The following LRRC37A2 variants were observed in gnomAD, a reference collection of about 807,000 sequenced individuals.
LRRC37A2 encodes the protein leucine rich repeat containing 37 member A2.
LRRC37A2 carries 9 observed loss-of-function variants against 68.8 expected under a neutral mutation model. The ratio of observed to expected loss-of-function variants is 0.13; its 90% confidence interval spans 0.08 to 0.23. LRRC37A2 has a LOEUF of 0.23. Among genes scored for constraint, LRRC37A2 ranks in the 10% least tolerant of loss-of-function variants. The pLI is 1.00. For synonymous variants in LRRC37A2, 63 were observed against 367.6 expected, an observed-to-expected ratio of 0.17 and a Z score of 9.48; for missense variants, 168 against 950.4, an observed-to-expected ratio of 0.18 and a Z score of 10.82.
At chr17:46,531,902 A>G (rs1393953162) in intron 6 of LRRC37A2, among the ~76,000 whole-genome samples, 2 of 130,908 alleles carry the variant, frequency 1.5e-5, no homozygotes, top group Non-Finnish European at 3.1e-5. Flanking sequence ...CATGAAATTT[A>G]CTCCCATGTT....
the LRRC37A2 span, chr17:46,931,700 G>A: frequency 2.6e-3 from 835 of 324,198 alleles, 3 homozygotes; most frequent in Non-Finnish European, 3.3e-3. Flanking sequence ...GAAACTTTGT[G>A]GATGCTTTAC....
chr17:46,806,214 T>TCC, the LRRC37A2 span, among the ~76,000 whole-genome samples: 2 of 144,888 alleles, frequency 1.4e-5, no homozygotes, highest in African/African-American at 5.1e-5. Flanking sequence ...TTCCTTTTTT[T>TCC]TTTTTTTTTT....
chr17:46,759,257 G>A, the LRRC37A2 span, among the ~76,000 whole-genome samples: 1 of 152,222 alleles, frequency 6.6e-6, no homozygotes, highest in Non-Finnish European at 1.5e-5. Flanking sequence ...CAAGAAAGCA[G>A]GTAAGTTGCA....
At chr17:46,773,803 T>C in the LRRC37A2 span, 1 of 1,613,546 alleles carries the variant, frequency 6.2e-7, no homozygotes, top group South Asian at 1.1e-5. Flanking sequence ...ATGATCTCGA[T>C]GTAATTGCGG....
chr17:47,000,491 TC>T, the LRRC37A2 span, among the ~76,000 whole-genome samples: 1 of 152,138 alleles, frequency 6.6e-6, no homozygotes, highest in South Asian at 2.1e-4. Flanking sequence ...CACCTTGGCC[TC>T]CCAAAGTGCT....
the LRRC37A2 span, among the ~76,000 whole-genome samples, chr17:46,953,210 A>C: frequency 2.1e-5 from 3 of 146,172 alleles, no homozygotes; most frequent in African/African-American, 5.1e-5. Flanking sequence ...CCCCCACCCC[A>C]CAACAGTCTC....
At chr17:46,854,415 C>T in the LRRC37A2 span, among the ~76,000 whole-genome samples, 1 of 148,402 alleles carries the variant, frequency 6.7e-6, no homozygotes, top group South Asian at 2.1e-4. Flanking sequence ...TGAGGCCGAT[C>T]TTCTTGGGCT....
the LRRC37A2 span, among the ~76,000 whole-genome samples, chr17:46,915,510 C>T: frequency 6.6e-6 from 1 of 152,202 alleles, no homozygotes; most frequent in Admixed American, 6.5e-5. Context: ...TAGACTCCAC[C>T]TCTCAATGGT....
chr17:46,873,826 C>T, the LRRC37A2 span, among the ~76,000 whole-genome samples: 3 of 151,962 alleles, frequency 2.0e-5, no homozygotes, highest in African/African-American at 7.3e-5. Context: ...CCCATCTCTA[C>T]TAAAAATACA....
chr17:46,934,133 G>A, the LRRC37A2 span, among the ~76,000 whole-genome samples: 1 of 152,210 alleles, frequency 6.6e-6, no homozygotes, highest in Non-Finnish European at 1.5e-5. Flanking sequence ...AACAGGGCAG[G>A]CCCTGCGCTC....
At chr17:46,848,126 G>T in the LRRC37A2 span, among the ~76,000 whole-genome samples, 1 of 152,106 alleles carries the variant, frequency 6.6e-6, no homozygotes, top group Non-Finnish European at 1.5e-5. Context: ...CTGTGTGAAC[G>T]TGTGGACCCA....
the LRRC37A2 span, among the ~76,000 whole-genome samples, chr17:46,874,531 C>T: frequency 6.6e-6 from 1 of 152,164 alleles, no homozygotes; most frequent in Non-Finnish European, 1.5e-5. Flanking sequence ...AATCTGGGAA[C>T]ATACTCCATA....
chr17:46,877,343 T>A, the LRRC37A2 span, among the ~76,000 whole-genome samples: 1 of 152,074 alleles, frequency 6.6e-6, no homozygotes, highest in Admixed American at 6.5e-5. Flanking sequence ...TGGACCCGAG[T>A]GAGATCTGTG....
chr17:46,764,706 G>C, the LRRC37A2 span: 1 of 152,284 alleles, frequency 6.6e-6, no homozygotes, highest in African/African-American at 2.4e-5. Context: ...AGAGGCTGCT[G>C]ATGGATCTGA....
At chr17:46,657,512 A>T in the LRRC37A2 span, among the ~76,000 whole-genome samples, 1 of 138,610 alleles carries the variant, frequency 7.2e-6, no homozygotes, top group Non-Finnish European at 1.6e-5. Context: ...TTTTCAGAAT[A>T]GTCACCTTAT....
chr17:46,994,978 C>A, the LRRC37A2 span, among the ~76,000 whole-genome samples: 1 of 152,092 alleles, frequency 6.6e-6, no homozygotes, highest in Non-Finnish European at 1.5e-5. Flanking sequence ...AAAAAATTAG[C>A]CAGGCATGGT....
the LRRC37A2 span, among the ~76,000 whole-genome samples, chr17:46,719,962 C>A: frequency 6.6e-6 from 1 of 152,150 alleles, no homozygotes; most frequent in Non-Finnish European, 1.5e-5. The surrounding 1 kb of genome is among the most constrained non-coding windows in gnomAD (Gnocchi z 4.3). Flanking sequence ...AGAAATTTTC[C>A]TTTCCACTAG....
chr17:46,860,720 C>T, the LRRC37A2 span, among the ~76,000 whole-genome samples: 2 of 152,240 alleles, frequency 1.3e-5, no homozygotes, highest in African/African-American at 4.8e-5. Context: ...TTCTCTGTGC[C>T]TGTATCCCAG....
the LRRC37A2 span, among the ~76,000 whole-genome samples, chr17:46,857,482 A>AT: frequency 6.6e-6 from 1 of 151,734 alleles, no homozygotes; most frequent in African/African-American, 2.4e-5. Flanking sequence ...CTCAAAAAAA[A>AT]AAAAAAAAAA....
Sources: allele counts gnomAD v4.1 joint callset (sites outside exome capture counted in the v4.1 genomes callset), GRCh38; gene constraint gnomAD v4.1.1; non-coding constraint Gnocchi (gnomAD v3.1); transcripts MANE v1.5; gene names NCBI Gene and HGNC (gene_info 2026-07-23, HGNC 2026-07-21).